The following ULK2 variants were observed in gnomAD, a reference collection of about 807,000 sequenced individuals.
ULK2 encodes the protein serine/threonine-protein kinase ULK2.
Under a neutral mutation model 127.5 loss-of-function variants are expected in ULK2, and 76 were observed. The observed-to-expected ratio is 0.60, with a 90% CI of 0.50 to 0.72. The LOEUF (loss-of-function observed/expected upper bound fraction) is 0.72. Among genes scored for constraint, ULK2 ranks in the 30% least tolerant of loss-of-function variants. The pLI is 0.00. For synonymous variants in ULK2, 452 were observed against 461.9 expected (o/e 0.98, Z 0.28); for missense variants, 1,144 against 1,295.9 (o/e 0.88, Z 1.80).
rs979657182 is a variant in ULK2 at position 19,825,026 on chromosome 17, C to A, written c.924+68G>T. On this transcript the variant is annotated intron_variant, in intron 12 of 26. Transcript: ENST00000395544. ...AAAAAGAATATCCACAGTGTATGTG[C>A]ATGCTCCATTTGAGAAAAGATGTAA... 3 of 1,351,668 alleles carry A rather than the reference C, an allele frequency of 2.2e-6. No individual in the cohort carries two copies. In the African/African-American group the frequency reaches 4.3e-5, roughly 19 times the overall value. The allele number at this position is 1,351,668 out of a possible 1,614,324, so 83.7% of individuals were successfully genotyped here. A position where few individuals can be genotyped will look rare whatever the true frequency, so the allele number is the denominator to read the frequency against.
At chr17:19,846,298 C>T (rs975851354) in intron 6 of ULK2, among the ~76,000 whole-genome samples, 1 of 150,498 alleles carries the variant, frequency 6.6e-6, no homozygotes, top group Non-Finnish European at 1.5e-5. Context: ...ATTCACCTAT[C>T]TAAGAGAACT....
At chr17:19,815,702 A>C (rs2040971755) in intron 13 of ULK2, among the ~76,000 whole-genome samples, 1 of 152,232 alleles carries the variant, frequency 6.6e-6, no homozygotes. Flanking sequence ...TTTTGTTTAA[A>C]ATGTTTCATG....
At chr17:19,816,610 T>G (rs1321941716) in intron 13 of ULK2, 139 bp downstream of exon 13, 1 of 738,774 alleles carries the variant, frequency 1.4e-6, no homozygotes, top group Non-Finnish European at 1.9e-6. Context: ...GGAATATAAT[T>G]CTGAGAATTC....
chr17:19,859,164 T>C (rs2042191253), intron 3 of ULK2, among the ~76,000 whole-genome samples: 1 of 151,756 alleles, frequency 6.6e-6, no homozygotes, highest in Non-Finnish European at 1.5e-5. Flanking sequence ...TTAAAAGATA[T>C]TTTCCTAGTG....
At chr17:19,800,060 G>A (rs1383647896) in intron 16 of ULK2, among the ~76,000 whole-genome samples, 2 of 152,178 alleles carry the variant, frequency 1.3e-5, no homozygotes, top group African/African-American at 2.4e-5. Flanking sequence ...AGACAATCCA[G>A]TGCTTGGGGC....
chr17:19,810,516 T>C, intron 13 of ULK2, 78 bp from the exon 14 acceptor site: 1 of 904,164 alleles, frequency 1.1e-6, no homozygotes, highest in East Asian at 2.6e-5. Flanking sequence ...AAAATGATTA[T>C]TAGGATTTCA....
intron 20 of ULK2, among the ~76,000 whole-genome samples, chr17:19,794,219 AGACT>A (rs1166530003): frequency 6.6e-6 from 1 of 152,202 alleles, no homozygotes; most frequent in East Asian, 1.9e-4. Flanking sequence ...AAAAAAGAAC[AGACT>A]AAGAACAATG....
At position 19,804,800 on chromosome 17, in the gene ULK2, G is replaced by A. The variant is rs753204495; in HGVS notation, c.1188C>T (p.Ser396=). ...GQCQPTVSPH[S]ETAPIPVPTQ... is the part of the protein sequence containing the mutation. ...TAGGAACTGGAATTGGTGCTGTTTC[G>A]CTGTGAGGTGACACAGTAGGCTGAC... Residue 396 remains serine (S), a synonymous_variant, in exon 15 of 27, where the codon AGC becomes AGT. Coordinates refer to ENST00000395544, the MANE Select transcript of ULK2 (RefSeq NM_014683.4). The A allele has an allele frequency of 1.9e-6, 3 of 1,612,862 alleles. No individual in the cohort carries two copies. Among genetic ancestry groups the A allele is most frequent in the Admixed American group, 1.7e-5 (1 of 59,914 alleles).
chr17:19,851,995 G>A (rs927036775), intron 3 of ULK2, among the ~76,000 whole-genome samples: 5 of 144,434 alleles, frequency 3.5e-5, no homozygotes, highest in Non-Finnish European at 7.4e-5. Flanking sequence ...GCAGTGAGCC[G>A]AGATTGCGCC....
chr17:19,797,784 A>G, intron 17 of ULK2, 102 bp from the exon 18 acceptor site: 1 of 1,113,814 alleles, frequency 9.0e-7, no homozygotes, highest in Non-Finnish European at 1.2e-6. Context: ...TCTGATAAAT[A>G]TCTTATTTTT....
chr17:19,852,470 G>A (rs1399894104), intron 3 of ULK2, among the ~76,000 whole-genome samples: 1 of 140,636 alleles, frequency 7.1e-6, no homozygotes, highest in Non-Finnish European at 1.5e-5. Flanking sequence ...GCAGTGAGCC[G>A]AGATCACCAC....
At chr17:19,789,995 A>C (rs1232176187) in intron 20 of ULK2, among the ~76,000 whole-genome samples, 3 of 152,176 alleles carry the variant, frequency 2.0e-5, no homozygotes, top group African/African-American at 7.2e-5. Flanking sequence ...TAATAACTAC[A>C]ACTTTTCAAG....
At chr17:19,818,426 G>A (rs1009288144) in intron 12 of ULK2, among the ~76,000 whole-genome samples, 3 of 151,834 alleles carry the variant, frequency 2.0e-5, no homozygotes, top group Non-Finnish European at 4.4e-5. Context: ...CAATTAAAAA[G>A]TAGTCAAGCT....
intron 13 of ULK2, chr17:19,816,540 A>G (rs1053685925): frequency 8.2e-6 from 3 of 364,446 alleles, no homozygotes; most frequent in African/African-American, 6.3e-5. Flanking sequence ...GTTTTCATGT[A>G]CCTTCAGAAT....
intron 14 of ULK2, among the ~76,000 whole-genome samples, chr17:19,809,950 G>A (rs1303717058): frequency 1.3e-5 from 2 of 151,866 alleles, no homozygotes; most frequent in African/African-American, 2.4e-5. Flanking sequence ...GAAATAATGA[G>A]GCAGGGTGCG....
At chr17:19,789,524 G>A (rs1954164179) in intron 20 of ULK2, among the ~76,000 whole-genome samples, 1 of 152,110 alleles carries the variant, frequency 6.6e-6, no homozygotes, top group Non-Finnish European at 1.5e-5. Context: ...AGACCAGCCA[G>A]GAAAACATGA....
chr17:19,798,766 A>G (rs781221791), intron 17 of ULK2, among the ~76,000 whole-genome samples: 2 of 152,220 alleles, frequency 1.3e-5, no homozygotes, highest in Non-Finnish European at 2.9e-5. Context: ...AAGTGTCTTT[A>G]ACTTATAAAG....
In ULK2 at chr17:19,802,010, G is replaced by A. The variant is rs190101210; in HGVS notation, c.1296-88C>T. On this transcript the variant is annotated intron_variant, in intron 15 of 26. Transcript: ENST00000395544. Reference sequence around the variant, plus strand: ...CTGAAACTTCCTAACAATATGCCACGGAGTAGTTTTCAAAAATATGTAATA... The same window carrying A: ...CTGAAACTTCCTAACAATATGCCACAGAGTAGTTTTCAAAAATATGTAATA... The A allele has an allele frequency of 9.2e-5, 132 of 1,438,844 alleles. No individual in the cohort carries two copies. The East Asian group carries it at 1.4e-3, about 16-fold the overall frequency. 89.1% of individuals were successfully genotyped at this position (1,438,844 alleles called of 1,614,324 possible). A position where few individuals can be genotyped will look rare whatever the true frequency, so the allele number is the denominator to read the frequency against.
At chr17:19,821,229 C>G (rs1356005788) in intron 12 of ULK2, among the ~76,000 whole-genome samples, 1 of 152,130 alleles carries the variant, frequency 6.6e-6, no homozygotes, top group Admixed American at 6.6e-5. Flanking sequence ...ATCACTTGAA[C>G]GCGGGAGGCA....
Sources: allele counts gnomAD v4.1 joint callset (sites outside exome capture counted in the v4.1 genomes callset), GRCh38; gene constraint gnomAD v4.1.1; transcripts MANE v1.5; gene names NCBI Gene and HGNC (gene_info 2026-07-23, HGNC 2026-07-21).